Variants in RORA observed in about 807,000 individuals in gnomAD.
RORA encodes the protein nuclear receptor ROR-alpha.
RORA carries 7 observed loss-of-function variants against 69.5 expected under a neutral mutation model. The ratio of observed to expected loss-of-function variants is 0.10; its 90% CI spans 0.06 to 0.19. The LOEUF is 0.19. RORA is among the 10% of genes least tolerant of loss of function. RORA has a pLI of 1.00. For synonymous variants in RORA, 261 were observed against 240.8 expected (o/e 1.08, Z -0.78); for missense variants, 457 against 663.0 (o/e 0.69, Z 3.41).
At chr15:61,175,553 A>AAAAAAAAAC in intron 1 of RORA, among the ~76,000 whole-genome samples, 1 of 151,280 alleles carries the variant, frequency 6.6e-6, no homozygotes, top group Non-Finnish European at 1.5e-5. Context: ...AAAAAAAAAA[A>AAAAAAAAAC]AAAAAACTTG....
chr15:60,751,430 T>A (rs988509236), intron 1 of RORA, among the ~76,000 whole-genome samples: 18 of 152,350 alleles, frequency 1.2e-4, no homozygotes, highest in Admixed American at 5.2e-4. Context: ...ATAATAATAA[T>A]GACGATAAGC....
At chr15:60,542,295 T>C (rs1595941166) in intron 2 of RORA, among the ~76,000 whole-genome samples, 1 of 152,042 alleles carries the variant, frequency 6.6e-6, no homozygotes, top group Admixed American at 6.6e-5. Flanking sequence ...CAATAGCTGC[T>C]ACCATCTTAA....
At chr15:61,037,113 T>C (rs760360729) in intron 1 of RORA, among the ~76,000 whole-genome samples, 7 of 152,166 alleles carry the variant, frequency 4.6e-5, no homozygotes, top group Non-Finnish European at 8.8e-5. Context: ...TGTGTGACCT[T>C]AGGAAATAAA....
chr15:60,655,048 C>T (rs1160934893), intron 2 of RORA, among the ~76,000 whole-genome samples: 3 of 151,940 alleles, frequency 2.0e-5, no homozygotes, highest in Admixed American at 6.6e-5. Context: ...TCTCTTATGT[C>T]TAGTATTGGG....
At chr15:61,228,656 T>C (rs2080171209) in intron 1 of RORA, among the ~76,000 whole-genome samples, 1 of 151,888 alleles carries the variant, frequency 6.6e-6, no homozygotes, top group Admixed American at 6.6e-5. Context: ...TTTTTGCCCC[T>C]TCTTAAAAGG....
At chr15:61,056,069 A>G (rs1353508590) in intron 1 of RORA, among the ~76,000 whole-genome samples, 1 of 152,256 alleles carries the variant, frequency 6.6e-6, no homozygotes, top group Non-Finnish European at 1.5e-5. Flanking sequence ...AGACCCACAT[A>G]CTACTTCTAT....
chr15:60,843,829 ACTT>A (rs1424804815), intron 1 of RORA, among the ~76,000 whole-genome samples: 1 of 152,110 alleles, frequency 6.6e-6, no homozygotes, highest in Non-Finnish European at 1.5e-5. Flanking sequence ...TCTCTGGTGC[ACTT>A]GTTGGATTGA....
At chr15:60,710,026 A>G (rs1307472206) in intron 1 of RORA, among the ~76,000 whole-genome samples, 1 of 152,090 alleles carries the variant, frequency 6.6e-6, no homozygotes, top group Admixed American at 6.5e-5. Flanking sequence ...CTTGAATATC[A>G]TGTGTCTGGT....
chr15:61,110,863 C>T (rs1225994536), intron 1 of RORA, among the ~76,000 whole-genome samples: 3 of 152,192 alleles, frequency 2.0e-5, no homozygotes, highest in Non-Finnish European at 4.4e-5. Context: ...CCTCATACAC[C>T]GCACGCCCTG....
intron 1 of RORA, among the ~76,000 whole-genome samples, chr15:61,103,017 T>C (rs1052654353): frequency 1.3e-5 from 2 of 152,244 alleles, no homozygotes; most frequent in African/African-American, 2.4e-5. Context: ...GCCTACTATA[T>C]GCTTGGCAGG....
In RORA at chr15:60,493,339, C is replaced by A. The variant is rs1241479680; in HGVS notation, c.*4116G>T. 6.6e-6 allele frequency: 1 copy of A among 152,032 alleles called. No homozygotes were observed. The highest frequency in any genetic ancestry group is 1.9e-4 in the East Asian group (1 of 5,196). 9.4% of individuals were successfully genotyped at this position (152,032 alleles called of 1,614,324 possible). ...AACAAAAAAACCCCAAAAAACTGTA[C>A]AAATATGTATTTTTCCCTGAGGGAT... On this transcript the variant is annotated 3_prime_UTR_variant, in exon 11 of 11. Transcript: ENST00000335670.
At chr15:60,541,404 G>C (rs1482430758) in intron 2 of RORA, among the ~76,000 whole-genome samples, 3 of 152,216 alleles carry the variant, frequency 2.0e-5, no homozygotes, top group Non-Finnish European at 4.4e-5. Flanking sequence ...GTGAGGACTT[G>C]TTTCTGACTT....
At chr15:60,573,587 G>A (rs751713227) in intron 2 of RORA, among the ~76,000 whole-genome samples, 2 of 152,212 alleles carry the variant, frequency 1.3e-5, no homozygotes, top group Non-Finnish European at 2.9e-5. Context: ...GAATGAGGGT[G>A]AGAGCCTGTC....
intron 1 of RORA, among the ~76,000 whole-genome samples, chr15:61,189,297 T>C (rs905333871): frequency 2.0e-5 from 3 of 152,184 alleles, no homozygotes; most frequent in Non-Finnish European, 4.4e-5. Context: ...GGTAAAATAA[T>C]GGAGAACGAC....
chr15:61,183,701 A>G (rs1485451404), intron 1 of RORA, among the ~76,000 whole-genome samples: 1 of 152,138 alleles, frequency 6.6e-6, no homozygotes, highest in Non-Finnish European at 1.5e-5. Flanking sequence ...TTTTTTGTGT[A>G]CCCATCTCTT....
chr15:60,518,705 A>G (rs1226517231), intron 3 of RORA, among the ~76,000 whole-genome samples: 2 of 152,190 alleles, frequency 1.3e-5, no homozygotes, highest in African/African-American at 2.4e-5. Flanking sequence ...CTAGCTACTT[A>G]TCCTAATCCT....
At chr15:60,558,457 T>C in intron 2 of RORA, 1 of 548,024 alleles carries the variant, frequency 1.8e-6, no homozygotes, top group Non-Finnish European at 3.2e-6. Flanking sequence ...ATTCAGATCA[T>C]TAATGTCTGA....
chr15:61,052,133 A>C (rs2078023339), intron 1 of RORA, among the ~76,000 whole-genome samples: 1 of 152,242 alleles, frequency 6.6e-6, no homozygotes, highest in South Asian at 2.1e-4. Context: ...AAAGGTGCTA[A>C]CCATTAGTGT....
At chr15:61,056,779 G>A (rs2078102605) in intron 1 of RORA, among the ~76,000 whole-genome samples, 1 of 152,072 alleles carries the variant, frequency 6.6e-6, no homozygotes, top group African/African-American at 2.4e-5. Context: ...ATTTAAAAAG[G>A]CAGACACCCG....
Sources: gnomAD v4.1 joint callset for allele counts (sites outside exome capture counted in the v4.1 genomes callset) on GRCh38, gnomAD v4.1.1 for gene constraint, MANE v1.5 for transcripts, NCBI Gene and HGNC (gene_info 2026-07-23, HGNC 2026-07-21) for gene names.